The following KLHL8 variants were observed in gnomAD, a reference collection of about 807,000 sequenced individuals.
KLHL8 encodes the protein kelch like family member 8, also known as kelch-like protein 8.
KLHL8 carries 38 observed loss-of-function variants against 63.5 expected under a neutral mutation model. The ratio of observed to expected loss-of-function variants is 0.60; its 90% CI spans 0.46 to 0.78. The LOEUF is 0.78. KLHL8 is among the 30% of genes least tolerant of loss of function. The pLI, the probability that KLHL8 is intolerant of heterozygous loss-of-function variation, is 0.00. For missense variants in KLHL8, 566 were observed against 752.4 expected (o/e 0.75, Z 2.90); for synonymous variants, 224 against 254.3 (o/e 0.88, Z 1.13).
intron 8 of KLHL8, among the ~76,000 whole-genome samples, chr4:87,168,662 A>ATATATATGTGTG (rs574718505): frequency 1.4e-5 from 2 of 147,876 alleles, no homozygotes; most frequent in East Asian, 3.9e-4. Context: ...ATATATATGT[A>ATATATATGTGTG]TATATATGTG....
chr4:87,208,773 C>G (rs1419895942), intron 1 of KLHL8, among the ~76,000 whole-genome samples: 1 of 152,062 alleles, frequency 6.6e-6, no homozygotes, highest in Non-Finnish European at 1.5e-5. Flanking sequence ...TATACTTTTC[C>G]CCCTTACATC....
chr4:87,168,308 G>T (rs1486276909), intron 8 of KLHL8, among the ~76,000 whole-genome samples: 2 of 152,132 alleles, frequency 1.3e-5, no homozygotes, highest in Non-Finnish European at 2.9e-5. Flanking sequence ...CAGGTTTCTA[G>T]AAATCTGGCC....
intron 1 of KLHL8, chr4:87,207,878 C>T (rs1222211133): frequency 4.6e-6 from 7 of 1,530,184 alleles, no homozygotes; most frequent in Admixed American, 1.7e-5. Context: ...GTGAAGCAGA[C>T]ATCGGAGGGC....
intron 8 of KLHL8, among the ~76,000 whole-genome samples, chr4:87,164,607 A>G (rs1730304238): frequency 6.6e-6 from 1 of 152,224 alleles, no homozygotes; most frequent in African/African-American, 2.4e-5. Flanking sequence ...ATTCTCACCA[A>G]TTTTTGTCAT....
chr4:87,200,762 A>G (rs1456065675), intron 1 of KLHL8, among the ~76,000 whole-genome samples: 1 of 152,222 alleles, frequency 6.6e-6, no homozygotes, highest in Non-Finnish European at 1.5e-5. Flanking sequence ...TAGAATTACC[A>G]TAAAATCCAG....
intron 1 of KLHL8, among the ~76,000 whole-genome samples, chr4:87,231,770 T>A (rs1733141574): frequency 6.6e-6 from 1 of 152,046 alleles, no homozygotes. Context: ...CCAATTTTTT[T>A]AGTTTTTGGT....
At chr4:87,175,173 C>T (rs1408177599) in intron 6 of KLHL8, among the ~76,000 whole-genome samples, 1 of 152,158 alleles carries the variant, frequency 6.6e-6, no homozygotes, top group South Asian at 2.1e-4. Context: ...AAAACATCCA[C>T]CCAAAATAAA....
At chr4:87,189,320 A>C (rs1212112040) in intron 2 of KLHL8, among the ~76,000 whole-genome samples, 2 of 152,220 alleles carry the variant, frequency 1.3e-5, no homozygotes, top group Non-Finnish European at 1.5e-5. Context: ...AAAATACATA[A>C]GGTGGGAGCT....
At chr4:87,209,848 GTTTTT>G (rs35717106) in intron 1 of KLHL8, among the ~76,000 whole-genome samples, 1 of 105,382 alleles carries the variant, frequency 9.5e-6, no homozygotes, top group Non-Finnish European at 1.9e-5. Flanking sequence ...TCCGTTTTGG[GTTTTT>G]TTTTTTTTTT....
At position 87,185,498 on chromosome 4, in the gene KLHL8, C is replaced by T; in HGVS notation, c.518G>A (p.Arg173Lys). The T allele has an allele frequency of 1.9e-6, 3 of 1,614,190 alleles. No individual in the cohort carries two copies. The highest frequency in any genetic ancestry group is 1.6e-4 in the Middle Eastern group (1 of 6,062). ...TCGATTGTGACTTTCTGCAAAGGCT[C>T]TTACTGCCAGGCAATTGGAGGGATG... Reference protein sequence around the residue: ...HFHPSNCLAVRAFAESHNRID... With the variant: ...HFHPSNCLAVKAFAESHNRID... Residue 173 changes from arginine (R) to lysine (K), a missense_variant, in exon 3 of 10, where the codon AGA becomes AAA. Transcript: ENST00000273963.
At chr4:87,233,349 A>G (rs1349250437) in intron 1 of KLHL8, among the ~76,000 whole-genome samples, 1 of 152,174 alleles carries the variant, frequency 6.6e-6, no homozygotes, top group Non-Finnish European at 1.5e-5. Flanking sequence ...GCACTTTGGG[A>G]GGCCGAGGCG....
At chr4:87,223,995 G>C (rs561253661), upstream of KLHL8, among the ~76,000 whole-genome samples, 2 of 151,828 alleles carry the variant, frequency 1.3e-5, no homozygotes, top group African/African-American at 4.8e-5. Flanking sequence ...ATAGCTGTTT[G>C]TTCATTTTAT....
intron 1 of KLHL8, among the ~76,000 whole-genome samples, chr4:87,233,472 C>T (rs1193424542): frequency 6.6e-6 from 1 of 152,032 alleles, no homozygotes; most frequent in Non-Finnish European, 1.5e-5. Context: ...ACTCGGGAGG[C>T]TGAGACACGA....
intron 1 of KLHL8, among the ~76,000 whole-genome samples, chr4:87,214,542 G>A (rs141354672): frequency 0.011 from 1,677 of 146,694 alleles, 37 homozygotes; most frequent in African/African-American, 0.04. Flanking sequence ...CTATTTTTTT[G>A]CAGTTTTGGA....
rs760827695 is a variant in KLHL8, at chr4:87,178,556, A to G, written c.1017T>C (p.Tyr339=). The change falls in exon 5 of 10, where the codon TAT becomes TAC. Residue 339 remains tyrosine (Y), a synonymous_variant. Transcript: ENST00000273963. ...AGAACCAACTGTTTTTGTTGATAGA[A>G]TAGCATTCAATACTGCGAAAGGGGT... ...SGDPFRSIEC[Y]SINKNSWFFG... is the part of the protein sequence containing the mutation. 6.2e-7 allele frequency: 1 copy of G among 1,612,224 alleles called. No individual in the cohort carries two copies. Among genetic ancestry groups the G allele is most frequent in the Admixed American group, 1.7e-5 (1 of 59,272 alleles).
intron 2 of KLHL8, among the ~76,000 whole-genome samples, chr4:87,191,800 C>T (rs1389411856): frequency 6.6e-6 from 1 of 151,054 alleles, no homozygotes; most frequent in Admixed American, 6.6e-5. Context: ...CACTATTTTT[C>T]CCATTTTCAT....
At chr4:87,168,712 A>ATATATATACG (rs1470512062) in intron 8 of KLHL8, among the ~76,000 whole-genome samples, 2 of 143,326 alleles carry the variant, frequency 1.4e-5, no homozygotes, top group Non-Finnish European at 3.1e-5. Context: ...ATATATGTGT[A>ATATATATACG]TATATATACG....
At chr4:87,164,242 A>C (rs375091344) in intron 8 of KLHL8, among the ~76,000 whole-genome samples, 163 bp from the exon 9 acceptor site, 34 of 152,336 alleles carry the variant, frequency 2.2e-4, no homozygotes, top group Admixed American at 6.5e-4. Context: ...ACCACCACCA[A>C]CAACTACCAT....
At position 87,170,541 on chromosome 4, in the gene KLHL8, T is replaced by C. The variant is rs768368543; in HGVS notation, c.1283A>G (p.Asn428Ser). 1.5e-5 allele frequency: 25 copies of C among 1,613,938 alleles called. No homozygotes were observed. Among genetic ancestry groups the C allele is most frequent in the South Asian group, 2.2e-5 (2 of 91,078 alleles). Reference sequence around the variant, plus strand: ...TTCTATGTCATATCTCTCCACATCATTGAAGCAAGTATTGTCATCTAACCC... The same window carrying C: ...TTCTATGTCATATCTCTCCACATCACTGAAGCAAGTATTGTCATCTAACCC... ...IGGLDDNTCF[N>S]DVERYDIESD... The change falls in exon 7 of 10, where the codon AAT becomes AGT. Residue 428 changes from asparagine to serine, a missense_variant. Asn to Ser is a conservative substitution (Grantham distance 46, BLOSUM62 1). Coordinates refer to ENST00000273963, the MANE Select transcript of KLHL8 (RefSeq NM_020803.5).
Sources: gnomAD v4.1 joint callset for allele counts (sites outside exome capture counted in the v4.1 genomes callset) on GRCh38, gnomAD v4.1.1 for gene constraint, MANE v1.5 for transcripts, NCBI Gene and HGNC (gene_info 2026-07-23, HGNC 2026-07-21) for gene names.